OPHN1: variants seen among roughly 807,000 people sequenced by gnomAD.
OPHN1 encodes oligophrenin 1.
Under a neutral mutation model 60.7 loss-of-function variants are expected in OPHN1, and 11 were observed. That is an observed-to-expected ratio of 0.18 (90% CI 0.11 to 0.30). The LOEUF is 0.30. OPHN1 is among the 10% of genes least tolerant of loss of function. The pLI is 1.00. For missense variants in OPHN1, 449 were observed against 611.0 expected (o/e 0.73, Z 2.80); for synonymous variants, 226 against 222.6 (o/e 1.02, Z -0.14).
chrX:68,110,073 T>C (rs1271433264), intron 18 of OPHN1, among the ~76,000 whole-genome samples: 1 of 110,911 alleles, frequency 9.0e-6, no homozygotes, highest in Non-Finnish European at 1.9e-5. Flanking sequence ...GATAACTGAA[T>C]GTGTAGATTT....
At chrX:68,431,340 A>C (rs2078884722) in intron 2 of OPHN1, among the ~76,000 whole-genome samples, 1 of 112,377 alleles carries the variant, frequency 8.9e-6, no homozygotes, top group Non-Finnish European at 1.9e-5. Flanking sequence ...TGTGAAGGAA[A>C]AGCACCGACT....
rs747178137 is a variant in OPHN1 at position 68,043,991 on chromosome X, G to A, written c.*3181C>T. On this transcript the variant is annotated 3_prime_UTR_variant, in exon 25 of 25. Coordinates refer to ENST00000355520, the MANE Select transcript of OPHN1 (RefSeq NM_002547.3). Reference sequence around the variant, plus strand: ...TACTTTTTGAAAAATGGCAAGCCAAGGACTTAACAACTGCCAACTAAAACA... The same window carrying A: ...TACTTTTTGAAAAATGGCAAGCCAAAGACTTAACAACTGCCAACTAAAACA... The A allele has an allele frequency of 9.8e-5, 11 of 111,901 alleles. No individual in the cohort carries two copies. In the South Asian group the frequency reaches 4.1e-3, roughly 42 times the overall value. The allele number at this position is 111,901 out of a possible 1,213,427, so 9.2% of individuals were successfully genotyped here.
At chrX:68,206,244 G>T (rs1267727794) in intron 10 of OPHN1, among the ~76,000 whole-genome samples, 1 of 111,524 alleles carries the variant, frequency 9.0e-6, no homozygotes, top group Non-Finnish European at 1.9e-5. Flanking sequence ...TTTAAAACTT[G>T]CTATTTTAAA....
intron 11 of OPHN1, among the ~76,000 whole-genome samples, chrX:68,201,244 A>G (rs989734613): frequency 8.9e-5 from 10 of 112,255 alleles, no homozygotes; most frequent in African/African-American, 3.2e-4. Flanking sequence ...GTGCCAATTC[A>G]TTTGTTCTTT....
At chrX:68,400,367 G>T (rs181586479) in intron 2 of OPHN1, among the ~76,000 whole-genome samples, 91 of 111,012 alleles carry the variant, frequency 8.2e-4, no homozygotes, top group African/African-American at 2.8e-3. Context: ...TATGAGCCAG[G>T]TACTGTGCTA....
At chrX:68,395,221 T>G (rs1296408013) in intron 2 of OPHN1, among the ~76,000 whole-genome samples, 2 of 110,732 alleles carry the variant, frequency 1.8e-5, no homozygotes, top group Non-Finnish European at 3.8e-5. Flanking sequence ...CCTCCCAAAG[T>G]GCTGGGATTA....
intron 2 of OPHN1, among the ~76,000 whole-genome samples, chrX:68,319,517 C>G (rs753282440): frequency 9.0e-6 from 1 of 110,928 alleles, no homozygotes; most frequent in African/African-American, 3.3e-5. Context: ...AGGTGGATCA[C>G]TTGAGCACAG....
At chrX:68,192,651 C>T (rs1349015908) in intron 15 of OPHN1, 1 of 353,669 alleles carries the variant, frequency 2.8e-6, no homozygotes, top group Non-Finnish European at 5.0e-6. Flanking sequence ...TAAGCCTGGC[C>T]ACACAGTTCC....
At chrX:68,319,965 T>C (rs950820799) in intron 2 of OPHN1, among the ~76,000 whole-genome samples, 1 of 109,977 alleles carries the variant, frequency 9.1e-6, no homozygotes, top group Non-Finnish European at 1.9e-5. Context: ...GCAACAGATA[T>C]AAAAAAATAT....
At chrX:68,055,870 G>A (rs1344268450) in intron 21 of OPHN1, among the ~76,000 whole-genome samples, 1 of 111,077 alleles carries the variant, frequency 9.0e-6, no homozygotes, top group East Asian at 2.9e-4. Context: ...ACCAAACACC[G>A]CACGTTCTCA....
At chrX:68,063,673 A>C (rs749315480) in intron 21 of OPHN1, among the ~76,000 whole-genome samples, 181 bp downstream of exon 21, 2 of 112,603 alleles carry the variant, frequency 1.8e-5, no homozygotes, top group South Asian at 7.4e-4. Flanking sequence ...CCCGGCCCTC[A>C]TGGAGCTTAC....
intron 2 of OPHN1, among the ~76,000 whole-genome samples, chrX:68,354,818 T>C (rs1438936891): frequency 9.0e-6 from 1 of 111,446 alleles, no homozygotes; most frequent in Non-Finnish European, 1.9e-5. Context: ...AGTTTGTAGT[T>C]CAAATTCTGG....
chrX:68,244,401 G>GT (rs755329707), intron 5 of OPHN1, among the ~76,000 whole-genome samples: 4 of 112,089 alleles, frequency 3.6e-5, no homozygotes, highest in Non-Finnish European at 7.5e-5. Context: ...CTAATTATTT[G>GT]TTTAACATCT....
chrX:68,085,484 C>T (rs2076991841), intron 19 of OPHN1, among the ~76,000 whole-genome samples: 1 of 112,009 alleles, frequency 8.9e-6, no homozygotes, highest in South Asian at 3.7e-4. Flanking sequence ...CAAAAAAGGG[C>T]CTTTGTTTTG....
intron 10 of OPHN1, among the ~76,000 whole-genome samples, chrX:68,203,817 T>G (rs2077546202): frequency 8.9e-6 from 1 of 112,550 alleles, no homozygotes; most frequent in South Asian, 3.6e-4. Flanking sequence ...CTGCTTTGTC[T>G]GACTAAACTC....
intron 8 of OPHN1, among the ~76,000 whole-genome samples, chrX:68,211,263 T>C (rs1569244213): frequency 8.9e-6 from 1 of 112,196 alleles, no homozygotes; most frequent in Admixed American, 9.5e-5. Context: ...ACTACATCTA[T>C]ATATTTCATG....
At chrX:68,382,604 T>C (rs2078602878) in intron 2 of OPHN1, among the ~76,000 whole-genome samples, 1 of 111,290 alleles carries the variant, frequency 9.0e-6, no homozygotes, top group African/African-American at 3.3e-5. Context: ...ATTATTATTA[T>C]TGATAATGAA....
At chrX:68,353,436 T>C (rs1425999862) in intron 2 of OPHN1, among the ~76,000 whole-genome samples, 1 of 87,660 alleles carries the variant, frequency 1.1e-5, no homozygotes, top group Non-Finnish European at 2.2e-5. Context: ...AAAAAAGCCA[T>C]GGTGGCGGGT....
At chrX:68,220,302 C>T (rs1189758293) in intron 6 of OPHN1, among the ~76,000 whole-genome samples, 1 of 107,629 alleles carries the variant, frequency 9.3e-6, no homozygotes, top group South Asian at 4.2e-4. Context: ...GCTTAGCAAC[C>T]AAAAAGAGTC....
Sources: gnomAD v4.1 joint callset for allele counts (sites outside exome capture counted in the v4.1 genomes callset) on GRCh38, gnomAD v4.1.1 for gene constraint, MANE v1.5 for transcripts, NCBI Gene and HGNC (gene_info 2026-07-23, HGNC 2026-07-21) for gene names.